The following PTPN21 variants were observed in gnomAD, a reference collection of about 807,000 sequenced individuals.
PTPN21 encodes the protein protein tyrosine phosphatase non-receptor type 21.
A neutral mutation model predicts 131.8 loss-of-function variants in PTPN21; 77 were observed. The ratio of observed to expected loss-of-function variants is 0.58; its 90% CI spans 0.49 to 0.71. PTPN21 has a LOEUF of 0.71. PTPN21 is among the 30% of genes least tolerant of loss of function. PTPN21 has a pLI of 0.00. For missense variants in PTPN21, 1,552 were observed against 1,527.1 expected (o/e 1.02, Z -0.27); for synonymous variants, 715 against 621.3 (o/e 1.15, Z -2.24).
intron 8 of PTPN21, among the ~76,000 whole-genome samples, chr14:88,498,660 C>CA (rs2077962583): frequency 2.6e-5 from 4 of 152,108 alleles, no homozygotes; most frequent in Non-Finnish European, 5.9e-5. Context: ...TTAAGTGCTG[C>CA]AGGTATTAAA....
intron 13 of PTPN21, among the ~76,000 whole-genome samples, chr14:88,475,599 G>T (rs1331726069): frequency 2.6e-5 from 4 of 152,120 alleles, no homozygotes; most frequent in African/African-American, 9.7e-5. Flanking sequence ...TGATTCTAAC[G>T]TGCAGAAAAC....
At chr14:88,478,618 C>T (rs2077581734) in intron 13 of PTPN21, among the ~76,000 whole-genome samples, 1 of 152,160 alleles carries the variant, frequency 6.6e-6, no homozygotes, top group South Asian at 2.1e-4. Flanking sequence ...ACTGTCTTTC[C>T]CTTAACAGTG....
At chr14:88,539,016 T>C (rs1488509290) in intron 2 of PTPN21, among the ~76,000 whole-genome samples, 1 of 152,126 alleles carries the variant, frequency 6.6e-6, no homozygotes, top group East Asian at 1.9e-4. Context: ...ATTTATTTAG[T>C]AGAGGAGATC....
At chr14:88,524,691 G>C (rs1199693274) in intron 2 of PTPN21, among the ~76,000 whole-genome samples, 1 of 152,174 alleles carries the variant, frequency 6.6e-6, no homozygotes, top group African/African-American at 2.4e-5. Context: ...AGAAACTTGA[G>C]GCCAAGAGTT....
At position 88,508,008 on chromosome 14, in the gene PTPN21, A is replaced by G. The variant is rs746384673; in HGVS notation, c.363T>C (p.Tyr121=). 1 of 1,580,016 alleles carries G rather than the reference A, an allele frequency of 6.3e-7. No homozygotes were observed. Among genetic ancestry groups the G allele is most frequent in the Non-Finnish European group, 8.7e-7 (1 of 1,153,620 alleles). The change falls in exon 4 of 19, where the codon TAT becomes TAC. Residue 121 remains tyrosine, a synonymous_variant. Transcript: ENST00000556564. ...CCAAGATATCTTTCTTCAGTTGCAGATAATACTGATACCTATAAAAAATGT... is the reference window on the plus strand; with the variant it reads ...CCAAGATATCTTTCTTCAGTTGCAGGTAATACTGATACCTATAAAAAATGT... ...LQQEITRYQY[Y]LQLKKDILEG...
At chr14:88,513,844 G>A (rs182728522) in intron 3 of PTPN21, 2 of 152,124 alleles carry the variant, frequency 1.3e-5, no homozygotes, top group Admixed American at 1.3e-4. Flanking sequence ...TTACTTTTTT[G>A]TCTGTTGGCA....
chr14:88,468,098 A>G lies in PTPN21; in HGVS notation c.*39T>C. On this transcript the variant is annotated 3_prime_UTR_variant, in exon 19 of 19. Coordinates refer to ENST00000556564, the MANE Select transcript of PTPN21 (RefSeq NM_007039.4). Reference sequence around the variant, plus strand: ...CAAGCGCTTTTTTTTTAAGCTGTAAACGCTTCACATGACTGGCCCCGTAAG... The same window carrying G: ...CAAGCGCTTTTTTTTTAAGCTGTAAGCGCTTCACATGACTGGCCCCGTAAG... The G allele has an allele frequency of 6.2e-7, 1 of 1,609,864 alleles. No individual in the cohort carries two copies. The highest frequency in any genetic ancestry group is 8.5e-7 in the Non-Finnish European group (1 of 1,176,764).
In PTPN21 at chr14:88,466,396, G is replaced by A. The variant is rs776604459; in HGVS notation, c.*1741C>T. On this transcript the variant is annotated 3_prime_UTR_variant, in exon 19 of 19. Transcript: ENST00000556564. Reference sequence around the variant, plus strand: ...TGGTTTCTGGGTAAGGCAGAGTTAGGCTGGTGCACACACTATTTAGGAAGT... The same window carrying A: ...TGGTTTCTGGGTAAGGCAGAGTTAGACTGGTGCACACACTATTTAGGAAGT... The A allele has an allele frequency of 6.6e-6, 1 of 152,060 alleles. No homozygotes were observed. The highest frequency in any genetic ancestry group is 1.5e-5 in the Non-Finnish European group (1 of 68,010). The allele number at this position is 152,060 out of a possible 1,614,324, so 9.4% of individuals were successfully genotyped here.
chr14:88,485,242 C>G (rs1363790818), intron 11 of PTPN21, 82 bp from the exon 12 acceptor site: 2 of 857,270 alleles, frequency 2.3e-6, no homozygotes, highest in East Asian at 5.5e-5. Flanking sequence ...TGGATTCTTT[C>G]TGTTAAAAAA....
At chr14:88,538,524 C>G (rs551881020) in intron 2 of PTPN21, among the ~76,000 whole-genome samples, 1 of 152,316 alleles carries the variant, frequency 6.6e-6, no homozygotes, top group African/African-American at 2.4e-5. Context: ...CTCATGCTTA[C>G]CTTTCTTTGC....
At chr14:88,501,113 G>A in intron 7 of PTPN21, 168 bp downstream of exon 7, 1 of 706,524 alleles carries the variant, frequency 1.4e-6, no homozygotes, top group Non-Finnish European at 2.5e-6. Context: ...CACAAAATGG[G>A]AATGTGTTTT....
At chr14:88,501,480 AC>A in intron 6 of PTPN21, 112 bp from the exon 7 acceptor site, 1 of 941,332 alleles carries the variant, frequency 1.1e-6, no homozygotes, top group Non-Finnish European at 1.7e-6. Flanking sequence ...TAAACATTTC[AC>A]GTTTCTAAGC....
In PTPN21 at chr14:88,466,701, C is replaced by T. The variant is rs1008573359; in HGVS notation, c.*1436G>A. On this transcript the variant is annotated 3_prime_UTR_variant, in exon 19 of 19. Transcript: ENST00000556564. ...TCTCCCCCTGTAACTCAGCCTGGCT[C>T]TGTCTATTGGGATGTGCCTAAATGG... 1.3e-5 allele frequency: 2 copies of T among 152,174 alleles called. No homozygotes were observed. Among genetic ancestry groups the T allele is most frequent in the African/African-American group, 2.4e-5 (1 of 41,432 alleles). 9.4% of individuals were successfully genotyped at this position (152,174 alleles called of 1,614,324 possible). A position where few individuals can be genotyped will look rare whatever the true frequency, so the allele number is the denominator to read the frequency against.
chr14:88,488,286 G>A (rs2077766656), intron 10 of PTPN21, among the ~76,000 whole-genome samples: 2 of 152,088 alleles, frequency 1.3e-5, no homozygotes, highest in Non-Finnish European at 2.9e-5. Flanking sequence ...GCACATGGGC[G>A]GCCCTCCCAC....
At chr14:88,528,868 A>G (rs1595404292) in intron 2 of PTPN21, among the ~76,000 whole-genome samples, 1 of 152,186 alleles carries the variant, frequency 6.6e-6, no homozygotes, top group Admixed American at 6.5e-5. Flanking sequence ...TTATCGATCT[A>G]GGAGCTTTTT....
At chr14:88,475,288 T>C (rs1254466916) in intron 13 of PTPN21, among the ~76,000 whole-genome samples, 1 of 152,088 alleles carries the variant, frequency 6.6e-6, no homozygotes, top group Non-Finnish European at 1.5e-5. Flanking sequence ...GGCAACTTGG[T>C]GAGAGAGGAA....
At chr14:88,490,280 A>T (rs950294137) in intron 10 of PTPN21, among the ~76,000 whole-genome samples, 3 of 152,012 alleles carry the variant, frequency 2.0e-5, no homozygotes, top group African/African-American at 4.8e-5. Context: ...AAGTGCTGGG[A>T]TTACAGGCAT....
intron 2 of PTPN21, among the ~76,000 whole-genome samples, chr14:88,521,142 C>A (rs183035126): frequency 6.6e-6 from 1 of 152,220 alleles, no homozygotes; most frequent in Admixed American, 6.5e-5. Context: ...CTGTGCCAGC[C>A]TGAAAACCAC....
chr14:88,547,689 A>C, intron 2 of PTPN21: 1 of 455,408 alleles, frequency 2.2e-6, no homozygotes, highest in South Asian at 1.6e-5. Flanking sequence ...GGGACTGGTT[A>C]CTGAGGCCTG....
Sources: allele counts gnomAD v4.1 joint callset (sites outside exome capture counted in the v4.1 genomes callset), GRCh38; gene constraint gnomAD v4.1.1; transcripts MANE v1.5; gene names NCBI Gene and HGNC (gene_info 2026-07-23, HGNC 2026-07-21).